Variants in CACNA1H observed in about 807,000 individuals in gnomAD.
CACNA1H encodes voltage-dependent T-type calcium channel subunit alpha-1H.
In CACNA1H, 149 loss-of-function variants were observed where a neutral mutation model predicts 192.5. That is an observed-to-expected ratio of 0.77 (90% CI 0.68 to 0.89). The LOEUF (loss-of-function observed/expected upper bound fraction) is 0.89, where lower values mean the gene tolerates loss of function less well. Among genes scored for constraint, CACNA1H ranks in the 40% least tolerant of loss-of-function variants. The pLI is 0.00. For synonymous variants in CACNA1H, 2,202 were observed against 1,475.2 expected (o/e 1.49, Z -11.29); for missense variants, 4,257 against 3,423.5 (o/e 1.24, Z -6.08).
intron 2 of CACNA1H, among the ~76,000 whole-genome samples, chr16:1,179,892 G>A (rs896722269): frequency 6.6e-6 from 1 of 151,102 alleles, no homozygotes; most frequent in Non-Finnish European, 1.5e-5. Flanking sequence ...GTGCCACCAC[G>A]CCCAGCTAAT....
chr16:1,175,020 T>C (rs1964735132), intron 2 of CACNA1H, among the ~76,000 whole-genome samples: 1 of 151,148 alleles, frequency 6.6e-6, no homozygotes, highest in South Asian at 2.1e-4. Context: ...GCATGGACTG[T>C]GAGGCCAGCT....
chr16:1,211,865 C>T lies in CACNA1H; in HGVS notation c.4566+60C>T, dbSNP rs550162637. On this transcript the variant is annotated intron_variant, in intron 24 of 34. Coordinates refer to ENST00000348261, the MANE Select transcript of CACNA1H (RefSeq NM_021098.3). Reference sequence around the variant, plus strand: ...GGTCTCCCGCGAGCGGCTGCCTTGGCCTCTGGGGACTCGGGGGGCCATCCT... The same window carrying T: ...GGTCTCCCGCGAGCGGCTGCCTTGGTCTCTGGGGACTCGGGGGGCCATCCT... The T allele has an allele frequency of 1.1e-4, 171 of 1,609,546 alleles. 2 individuals carry two copies. The South Asian group carries it at 1.5e-3, about 14-fold the overall frequency.
rs750944027 is a variant in CACNA1H at position 1,211,194 on chromosome 16, A to G, written c.4250A>G (p.Lys1417Arg). ...GTCATCAGCCGGGCCCCGGGCCTCA[A>G]GCTGGTGGTGGAGACGCTGATATCA... ...LRVISRAPGL[K>R]LVVETLISSL... Residue 1417 changes from lysine (K) to arginine (R), a missense_variant, in exon 22 of 35, where the codon AAG becomes AGG. Transcript: ENST00000348261. 2 of 1,612,798 alleles carry G rather than the reference A, an allele frequency of 1.2e-6. No individual in the cohort carries two copies. The highest frequency in any genetic ancestry group is 1.3e-5 in the African/African-American group (1 of 74,946).
At chr16:1,161,153 C>T (rs1963149293) in intron 2 of CACNA1H, among the ~76,000 whole-genome samples, 1 of 152,244 alleles carries the variant, frequency 6.6e-6, no homozygotes, top group South Asian at 2.1e-4. Context: ...TCTGCTGGCC[C>T]TGCTGGACTC....
At position 1,212,778 on chromosome 16, in the gene CACNA1H, C is replaced by T. The variant is rs544494336; in HGVS notation, c.4777+250C>T. 4.6e-5 allele frequency among the ~76,000 whole-genome samples: 7 copies of T among 152,322 alleles called. No individual in the cohort carries two copies. In the East Asian group the frequency reaches 7.7e-4, roughly 17 times the overall value. On this transcript the variant is annotated intron_variant, in intron 26 of 34. Coordinates refer to ENST00000348261, the MANE Select transcript of CACNA1H (RefSeq NM_021098.3). ...CCGTGCGCCGGGACACCCAGAGCAA[C>T]GAGGGGCCGCCCACACCCCTGCAGG... is the stretch of plus-strand genomic sequence containing the variant.
chr16:1,206,352 G>A (rs969291962), intron 12 of CACNA1H, 63 bp downstream of exon 12: 3 of 1,480,842 alleles, frequency 2.0e-6, no homozygotes, highest in African/African-American at 1.4e-5. Context: ...GGAGGCAAAG[G>A]CCCAGGGCAC....
intron 2 of CACNA1H, among the ~76,000 whole-genome samples, chr16:1,158,517 C>T (rs894659873): frequency 2.0e-5 from 3 of 152,318 alleles, no homozygotes; most frequent in East Asian, 3.9e-4. Flanking sequence ...ATCAGGGCCG[C>T]ACGCCCCGTG....
chr16:1,220,356 G>T lies in CACNA1H; in HGVS notation c.6424G>T (p.Gly2142Cys), dbSNP rs959490142. The T allele has an allele frequency of 2.0e-6, 3 of 1,527,780 alleles. No individual in the cohort carries two copies. The South Asian group carries it at 3.8e-5, about 19-fold the overall frequency. The allele number at this position is 1,527,780 out of a possible 1,614,324, so 94.6% of individuals were successfully genotyped here. ...CAGGCTCTACAGCGTGGATGCTCAG[G>T]GCTTCCTGGACAAGCCGGGCCGGGC... ...LRRLYSVDAQGFLDKPGRADE... is the reference protein window; with the variant it reads ...LRRLYSVDAQCFLDKPGRADE... The change falls in exon 35 of 35, where the codon GGC (glycine) becomes TGC (cysteine). Residue 2142 changes from glycine (G) to cysteine (C), a missense_variant. By Grantham distance (159) the Gly-to-Cys change is radical. Transcript: ENST00000348261.
intron 6 of CACNA1H, among the ~76,000 whole-genome samples, chr16:1,199,571 C>T (rs989118135): frequency 1.4e-4 from 21 of 151,194 alleles, no homozygotes; most frequent in Non-Finnish European, 2.7e-4. Flanking sequence ...TCATCCCCTC[C>T]CCACACCCCA....
chr16:1,205,977 C>T (rs1193260163), intron 11 of CACNA1H, 127 bp from the exon 12 acceptor site: 8 of 838,880 alleles, frequency 9.5e-6, no homozygotes, highest in South Asian at 7.3e-5. Context: ...CAGCCATACC[C>T]TCTCCCATCT....
rs61747533 is a variant in CACNA1H at position 1,206,122 on chromosome 16, G to A, written c.2622G>A (p.Gly874=). The A allele has an allele frequency of 2.8e-5, 44 of 1,583,108 alleles. No individual in the cohort carries two copies. The highest frequency in any genetic ancestry group is 3.8e-5 in the Non-Finnish European group (44 of 1,167,546). ...IVVISVWEIV[G]QADGGLSVLR... is the part of the protein sequence containing the mutation. ...TCCGCAGCGTCTGGGAGATCGTGGGGCAGGCGGACGGTGGCTTGTCTGTGC... is the reference window on the plus strand; with the variant it reads ...TCCGCAGCGTCTGGGAGATCGTGGGACAGGCGGACGGTGGCTTGTCTGTGC... The change falls in exon 12 of 35, where the codon GGG becomes GGA. Residue 874 remains glycine (G), a synonymous_variant. Coordinates refer to ENST00000348261, the MANE Select transcript of CACNA1H (RefSeq NM_021098.3).
intron 2 of CACNA1H, among the ~76,000 whole-genome samples, chr16:1,187,804 C>G (rs1250454016): frequency 6.6e-6 from 1 of 152,230 alleles, no homozygotes; most frequent in East Asian, 1.9e-4. Flanking sequence ...GTCTGAGGAG[C>G]TGAGGCTGGC....
At chr16:1,195,707 T>G (rs1966885321) in intron 4 of CACNA1H, 142 bp downstream of exon 4, 1 of 1,082,626 alleles carries the variant, frequency 9.2e-7, no homozygotes, top group Admixed American at 2.2e-5. Context: ...TGTCTGGGAC[T>G]CCGGAGACCC....
Position 1,200,455 on chromosome 16 carries a change from A to G in CACNA1H, c.1003A>G (p.Asn335Asp). 2 of 1,611,746 alleles carry G rather than the reference A, an allele frequency of 1.2e-6. No homozygotes were observed. The highest frequency in any genetic ancestry group is 2.2e-5 in the South Asian group (2 of 91,076). ...GGCCGAGGGGGTGGGCGCTGCACGC[A>G]ACGCCTGCATCAACTGGAACCAGTA... ...PQAEGVGAAR[N>D]ACINWNQYYN... The change falls in exon 7 of 35, where the codon AAC becomes GAC. Residue 335 changes from asparagine (N) to aspartate (D), a missense_variant. Transcript: ENST00000348261.
intron 2 of CACNA1H, among the ~76,000 whole-genome samples, chr16:1,160,957 G>T (rs1447340184): frequency 6.6e-6 from 1 of 152,102 alleles, no homozygotes; most frequent in East Asian, 1.9e-4. Context: ...TGCAGCCCTG[G>T]GCTCTTTGCC....
rs1961832686 is a variant in CACNA1H, at chr16:1,153,405, C to CGCT, written c.-83_-82insCTG. 6.9e-6 allele frequency: 1 copy of CGCT among 145,498 alleles called. No homozygotes were observed. The highest frequency in any genetic ancestry group is 2.5e-5 in the African/African-American group (1 of 40,130). The allele number at this position is 145,498 out of a possible 1,614,324, so 9.0% of individuals were successfully genotyped here. ...GCCGGGGCCGGGGCCGGGCGCCGAG[C>CGCT]GGGGTCCGCGGTGACCGCGCCGCCC... On this transcript the variant is annotated 5_prime_UTR_variant, in exon 1 of 35. Transcript: ENST00000348261.
Position 1,212,513 on chromosome 16 carries a change from A to G in CACNA1H, c.4762A>G (p.Thr1588Ala), listed in dbSNP as rs1555517834. 6.2e-7 allele frequency: 1 copy of G among 1,610,832 alleles called. No individual in the cohort carries two copies. Among genetic ancestry groups the G allele is most frequent in the Non-Finnish European group, 8.5e-7 (1 of 1,179,066 alleles). ...AGACCATCTCCTTGTCTTTCCAGGC[A>G]CTTTCCCCAGCCCAGGTACCGGCCC... ...LRRLERRRRSTFPSPEAQRRP... is the reference protein window; with the variant it reads ...LRRLERRRRSAFPSPEAQRRP... Residue 1588 changes from threonine (T) to alanine (A), a missense_variant and splice_region_variant, in exon 26 of 35, where the codon ACT becomes GCT. Physicochemically the swap from Thr to Ala is moderately conservative, Grantham distance 58. Coordinates refer to ENST00000348261, the MANE Select transcript of CACNA1H (RefSeq NM_021098.3).
rs1375995411 is a variant in CACNA1H at position 1,206,143 on chromosome 16, T to A, written c.2643T>A (p.Ser881=). 2.5e-6 allele frequency: 4 copies of A among 1,586,620 alleles called. No individual in the cohort carries two copies. Among genetic ancestry groups the A allele is most frequent in the Admixed American group, 1.8e-5 (1 of 56,768 alleles). ...TGGGGCAGGCGGACGGTGGCTTGTCTGTGCTGCGCACCTTCCGGCTGCTGC... is the reference window on the plus strand; with the variant it reads ...TGGGGCAGGCGGACGGTGGCTTGTCAGTGCTGCGCACCTTCCGGCTGCTGC... ...EIVGQADGGL[S]VLRTFRLLRV... Residue 881 remains serine, a synonymous_variant, in exon 12 of 35, where the codon TCT becomes TCA. Coordinates refer to ENST00000348261, the MANE Select transcript of CACNA1H (RefSeq NM_021098.3).
In CACNA1H at chr16:1,200,365, A is replaced by G. The variant is rs938151382; in HGVS notation, c.913A>G (p.Ile305Val). The G allele has an allele frequency of 2.3e-5, 36 of 1,599,766 alleles. No homozygotes were observed. Among genetic ancestry groups the G allele is most frequent in the Non-Finnish European group, 2.8e-5 (33 of 1,174,132 alleles). The change falls in exon 7 of 35, where the codon ATC becomes GTC. Residue 305 changes from isoleucine (I) to valine (V), a missense_variant. Coordinates refer to ENST00000348261, the MANE Select transcript of CACNA1H (RefSeq NM_021098.3). ...CAACGGCATGCAGAAGTGCTCGCAC[A>G]TCCCCGGCCGCCGCGAGCTGCGCAT... ...RDNGMQKCSHIPGRRELRMPC... is the reference protein window; with the variant it reads ...RDNGMQKCSHVPGRRELRMPC...
Sources: allele counts gnomAD v4.1 joint callset (sites outside exome capture counted in the v4.1 genomes callset), GRCh38; gene constraint gnomAD v4.1.1; transcripts MANE v1.5; gene names NCBI Gene and HGNC (gene_info 2026-07-23, HGNC 2026-07-21).